NR4A3: variants seen among roughly 807,000 people sequenced by gnomAD.
NR4A3 encodes the protein nuclear receptor subfamily 4 group A member 3, also known as chondrosarcoma, extraskeletal myxoid, fused to EWS.
NR4A3 carries 13 observed loss-of-function variants against 55.6 expected under a neutral mutation model. That is an observed-to-expected ratio of 0.23 (90% CI 0.15 to 0.37). The LOEUF is 0.37. Among genes scored for constraint, NR4A3 ranks in the 10% least tolerant of loss-of-function variants. The pLI is 1.00. For synonymous variants in NR4A3, 342 were observed against 357.9 expected, an observed-to-expected ratio of 0.96 and a Z score of 0.50; for missense variants, 646 against 822.8, an observed-to-expected ratio of 0.79 and a Z score of 2.63.
intron 6 of NR4A3, 68 bp downstream of exon 6, chr9:99,844,916 C>A: frequency 8.2e-7 from 1 of 1,218,310 alleles, no homozygotes; most frequent in Non-Finnish European, 1.2e-6. Context: ...GTGTTTGTAA[C>A]TGAATCATTG....
At chr9:99,827,421 T>C (rs1294938562) in intron 2 of NR4A3, among the ~76,000 whole-genome samples, 3 of 152,002 alleles carry the variant, frequency 2.0e-5, no homozygotes, top group African/African-American at 7.3e-5. Flanking sequence ...TCAACAGGGG[T>C]CCAGTTTGTG....
intron 5 of NR4A3, among the ~76,000 whole-genome samples, chr9:99,834,484 G>A (rs1378624328): frequency 1.3e-5 from 2 of 152,042 alleles, no homozygotes; most frequent in African/African-American, 4.8e-5. Context: ...CCTACTTGAA[G>A]GAAAACAAAA....
Position 99,828,706 on chromosome 9 carries a change from A to C in NR4A3, c.664A>C (p.Ser222Arg). The change falls in exon 3 of 8, where the codon AGC (serine) becomes CGC (arginine). Residue 222 changes from serine to arginine, a missense_variant. This residue lies in a region of NR4A3 where 426 missense variants were observed against 429.4 expected (regional missense o/e 0.99). Transcript: ENST00000395097. This position sits in a 1 kb window ranked among gnomAD's most constrained non-coding sequence, Gnocchi z 7.7. Reference sequence around the variant, plus strand: ...CGACCCGACGGCCGCTGCCGCGCTCAGCCTGCCGCTGGGAGCCGCAGCCGC... The same window carrying C: ...CGACCCGACGGCCGCTGCCGCGCTCCGCCTGCCGCTGGGAGCCGCAGCCGC... ...GYDPTAAAAL[S>R]LPLGAAAAAG... The C allele has an allele frequency of 2.3e-6, 3 of 1,311,796 alleles. No homozygotes were observed. The highest frequency in any genetic ancestry group is 2.9e-6 in the Non-Finnish European group (3 of 1,036,650). The allele number at this position is 1,311,796 out of a possible 1,614,324, so 81.3% of individuals were successfully genotyped here.
At position 99,822,823 on chromosome 9, in the gene NR4A3, C is replaced by A. The variant is rs1361221522; in HGVS notation, c.-177+416C>A. ...TGATGAACGGCAGTAATTTTCCTGCCTTTTAAGTAGGATTGAAAATAGGAG... is the reference window on the plus strand; with the variant it reads ...TGATGAACGGCAGTAATTTTCCTGCATTTTAAGTAGGATTGAAAATAGGAG... On this transcript the variant is annotated intron_variant, in intron 1 of 7. Coordinates refer to ENST00000395097, the MANE Select transcript of NR4A3 (RefSeq NM_006981.4). The surrounding 1 kb of genome is among the most constrained non-coding windows in gnomAD (Gnocchi z 4.9). 6.6e-6 allele frequency among the ~76,000 whole-genome samples: 1 copy of A among 152,106 alleles called. No individual in the cohort carries two copies. Among genetic ancestry groups the A allele is most frequent in the Non-Finnish European group, 1.5e-5 (1 of 68,032 alleles).
chr9:99,849,601 C>T lies in NR4A3; in HGVS notation c.1633+1986C>T, dbSNP rs796681453. ...CAATTTCAAAACCATTCAGCAATTC[C>T]TACGTCAGTTAAACATTCAAAACTA... is the stretch of plus-strand genomic sequence containing the variant. On this transcript the variant is annotated intron_variant, in intron 7 of 7. Transcript: ENST00000395097. 6.6e-5 allele frequency among the ~76,000 whole-genome samples: 10 copies of T among 152,310 alleles called. No homozygotes were observed. The East Asian group carries it at 1.7e-3, about 26-fold the overall frequency.
chr9:99,855,146 T>C (rs1209353358), intron 7 of NR4A3, among the ~76,000 whole-genome samples: 1 of 151,862 alleles, frequency 6.6e-6, no homozygotes, highest in African/African-American at 2.4e-5. Context: ...GTTGTTGGTG[T>C]ATAAGAATGC....
At chr9:99,862,494 G>C (rs932590570) in intron 7 of NR4A3, among the ~76,000 whole-genome samples, 1 of 137,834 alleles carries the variant, frequency 7.3e-6, no homozygotes, top group East Asian at 2.3e-4. Context: ...GGGGAGCAGT[G>C]AGCCAAGATC....
chr9:99,823,802 G>C (rs1827232940), intron 1 of NR4A3, among the ~76,000 whole-genome samples: 2 of 148,958 alleles, frequency 1.3e-5, no homozygotes, highest in African/African-American at 5.0e-5. Flanking sequence ...TCTTCCCCGC[G>C]GTTTGTCTAG....
At chr9:99,833,494 G>A in intron 5 of NR4A3, 40 bp downstream of exon 5, 2 of 1,613,914 alleles carry the variant, frequency 1.2e-6, no homozygotes, top group Non-Finnish European at 8.5e-7. Flanking sequence ...GAATGATCAG[G>A]GTCTCTATTT....
At position 99,826,887 on chromosome 9, in the gene NR4A3, A is replaced by G. The variant is rs1368096892; in HGVS notation, c.-3+1055A>G. 3.7e-5 allele frequency: 49 copies of G among 1,324,260 alleles called. 1 individual carries two copies. The South Asian group carries it at 4.0e-4, about 11-fold the overall frequency. 82.0% of individuals were successfully genotyped at this position (1,324,260 alleles called of 1,614,324 possible). On this transcript the variant is annotated intron_variant, in intron 2 of 7. Coordinates refer to ENST00000395097, the MANE Select transcript of NR4A3 (RefSeq NM_006981.4). ...ACACCATAGACTCCAAAGAGGCGTT[A>G]AGCACCTGGTTTTCCTTTGGCTCAG...
At chr9:99,855,412 TGATAA>T (rs139354888) in intron 7 of NR4A3, among the ~76,000 whole-genome samples, 5,369 of 152,326 alleles carry the variant, frequency 0.035, 130 homozygotes, top group Non-Finnish European at 0.051. Flanking sequence ...ACCACTGTTA[TGATAA>T]AAGTATGAAT....
chr9:99,855,957 C>T (rs560328992), intron 7 of NR4A3, among the ~76,000 whole-genome samples: 4 of 152,178 alleles, frequency 2.6e-5, no homozygotes, highest in African/African-American at 9.6e-5. Flanking sequence ...TACTCCCTGC[C>T]ATGAGGAAGA....
intron 7 of NR4A3, 67 bp downstream of exon 7, chr9:99,847,682 C>G: frequency 6.8e-7 from 1 of 1,470,984 alleles, no homozygotes; most frequent in South Asian, 1.2e-5. Flanking sequence ...TGGAATCTGG[C>G]CTTGACCACT....
In NR4A3 at chr9:99,828,921, C is replaced by G. The variant is rs1000332340; in HGVS notation, c.879C>G (p.Ala293=). ...RSSSSGEGTC[A]VCGDNAACQH... ...CGTCGTCTGGCGAGGGCACGTGTGC[C>G]GTGTGCGGGGACAACGCCGCCTGCC... Residue 293 remains alanine, a synonymous_variant, in exon 3 of 8, where the codon GCC becomes GCG. Transcript: ENST00000395097. The surrounding 1 kb of genome is among the most constrained non-coding windows in gnomAD (Gnocchi z 7.7). 1.4e-6 allele frequency: 2 copies of G among 1,473,284 alleles called. No homozygotes were observed. Among genetic ancestry groups the G allele is most frequent in the Non-Finnish European group, 1.8e-6 (2 of 1,115,354 alleles). 91.3% of individuals were successfully genotyped at this position (1,473,284 alleles called of 1,614,324 possible).
chr9:99,840,340 G>A (rs996042159), intron 5 of NR4A3, among the ~76,000 whole-genome samples: 54 of 152,214 alleles, frequency 3.5e-4, no homozygotes, highest in Admixed American at 2.6e-4. Flanking sequence ...AGAGGACCCT[G>A]GGTGAAAGCT....
chr9:99,827,611 C>G (rs1453190734), intron 2 of NR4A3, among the ~76,000 whole-genome samples: 1 of 152,202 alleles, frequency 6.6e-6, no homozygotes, highest in Admixed American at 6.5e-5. Flanking sequence ...AATGTGTATG[C>G]CTTGGGGGAC....
At chr9:99,855,173 T>C (rs1015837967) in intron 7 of NR4A3, among the ~76,000 whole-genome samples, 6 of 152,128 alleles carry the variant, frequency 3.9e-5, no homozygotes, top group African/African-American at 1.4e-4. Context: ...TTTTTGTACA[T>C]TGATTTTGTA....
intron 7 of NR4A3, 74 bp downstream of exon 7, chr9:99,847,689 C>A: frequency 7.3e-7 from 1 of 1,367,202 alleles, no homozygotes; most frequent in Non-Finnish European, 1.0e-6. Context: ...TGGCCTTGAC[C>A]ACTACACACA....
intron 5 of NR4A3, among the ~76,000 whole-genome samples, chr9:99,836,314 T>C (rs1827559870): frequency 6.6e-6 from 1 of 152,202 alleles, no homozygotes; most frequent in African/African-American, 2.4e-5. Flanking sequence ...AAGTGGTTCA[T>C]GTTAAGAAGA....
Sources: gnomAD v4.1 joint callset for allele counts (sites outside exome capture counted in the v4.1 genomes callset) on GRCh38, gnomAD v4.1.1 for gene constraint, gnomAD v4.1.1 regional missense constraint, Gnocchi (gnomAD v3.1) non-coding constraint, MANE v1.5 for transcripts, NCBI Gene and HGNC (gene_info 2026-07-23, HGNC 2026-07-21) for gene names.